RBBP8: variants seen among roughly 807,000 people sequenced by gnomAD.
RBBP8 encodes RB binding protein 8, endonuclease.
RBBP8 carries 88 observed loss-of-function variants against 108.3 expected under a neutral mutation model. The observed-to-expected ratio is 0.81, with a 90% CI of 0.68 to 0.97. RBBP8 has a LOEUF of 0.97. Among genes scored for constraint, RBBP8 ranks in the 50% least tolerant of loss-of-function variants. RBBP8 has a pLI of 0.00. For missense variants in RBBP8, 1,023 were observed against 1,049.0 expected, an observed-to-expected ratio of 0.98 and a Z score of 0.34; for synonymous variants, 332 against 348.2, an observed-to-expected ratio of 0.95 and a Z score of 0.52.
chr18:22,916,628 G>A (rs192170749), intron 2 of RBBP8, among the ~76,000 whole-genome samples: 12 of 152,004 alleles, frequency 7.9e-5, no homozygotes, highest in Admixed American at 7.2e-4. Context: ...TACCATTATT[G>A]CCCCAAACAT....
Position 22,993,371 on chromosome 18 carries a change from A to G in RBBP8, c.1544A>G (p.Lys515Arg), listed in dbSNP as rs2144704420. Residue 515 changes from lysine to arginine, a missense_variant, in exon 11 of 19, where the codon AAA (lysine) becomes AGA (arginine). Lys to Arg is a conservative substitution (Grantham distance 26). Coordinates refer to ENST00000327155, the MANE Select transcript of RBBP8 (RefSeq NM_002894.3). ...CAAGGAAGTGAGACTTCTAAAAACA[A>G]ATTTAGGCAAGTGACTCTTTATGAG... ...KSQGSETSKN[K>R]FRQVTLYEAL... The G allele has an allele frequency of 3.7e-6, 6 of 1,614,226 alleles. No homozygotes were observed. The highest frequency in any genetic ancestry group is 5.1e-6 in the Non-Finnish European group (6 of 1,180,032).
At chr18:22,940,141 G>T (rs944630852) in intron 2 of RBBP8, among the ~76,000 whole-genome samples, 2 of 151,904 alleles carry the variant, frequency 1.3e-5, no homozygotes, top group African/African-American at 2.4e-5. Flanking sequence ...TTGTCATCTT[G>T]CCTTGACTTT....
chr18:22,940,900 G>A (rs904097627), intron 2 of RBBP8, among the ~76,000 whole-genome samples: 2 of 151,914 alleles, frequency 1.3e-5, no homozygotes, highest in Admixed American at 6.6e-5. Context: ...GACCTCATTG[G>A]CCTCCAAAAG....
chr18:22,938,789 A>G (rs562033344), intron 2 of RBBP8, among the ~76,000 whole-genome samples: 1 of 152,226 alleles, frequency 6.6e-6, no homozygotes, highest in Non-Finnish European at 1.5e-5. Flanking sequence ...GTCATTTGAC[A>G]AACCCGTAGC....
intron 3 of RBBP8, among the ~76,000 whole-genome samples, chr18:22,924,532 C>T (rs375358341): frequency 1.3e-3 from 198 of 152,240 alleles, no homozygotes; most frequent in African/African-American, 4.4e-3. Flanking sequence ...AGAGATCTTC[C>T]CGCTTCAGCC....
chr18:23,019,758 A>G (rs961300098), intron 17 of RBBP8, among the ~76,000 whole-genome samples: 3 of 132,002 alleles, frequency 2.3e-5, no homozygotes, highest in African/African-American at 5.3e-5. Context: ...GCAACATTTT[A>G]TAATTTTTTT....
chr18:23,009,775 C>CT (rs1256707989), intron 16 of RBBP8, among the ~76,000 whole-genome samples: 1 of 152,006 alleles, frequency 6.6e-6, no homozygotes, highest in Non-Finnish European at 1.5e-5. Context: ...CTCTACTTTG[C>CT]TTTTTTAGAC....
intron 16 of RBBP8, 168 bp from the exon 17 acceptor site, chr18:23,016,660 C>A: frequency 4.9e-6 from 3 of 617,456 alleles, no homozygotes; most frequent in Admixed American, 2.9e-5. Flanking sequence ...AAAAAAATAC[C>A]CATAAAAATA....
In RBBP8 at chr18:22,949,672, G is replaced by A. The variant is rs1450051670; in HGVS notation, c.207G>A (p.Gln69=). 1 of 1,611,334 alleles carries A rather than the reference G, an allele frequency of 6.2e-7. No homozygotes were observed. The highest frequency in any genetic ancestry group is 1.3e-5 in the African/African-American group (1 of 74,960). The part of the protein sequence containing the change: ...FFTKNQQLRE[Q]QKVLHETIKV... ...CCAAAAATCAACAGCTGAGGGAACA[G>A]CAGAAAGTCCTTCATGAAACCATTA... The change falls in exon 4 of 19, where the codon CAG becomes CAA. Residue 69 remains glutamine, a synonymous_variant. Coordinates refer to ENST00000327155, the MANE Select transcript of RBBP8 (RefSeq NM_002894.3).
upstream of RBBP8, among the ~76,000 whole-genome samples, chr18:22,930,309 GTC>G (rs1909976203): frequency 6.6e-6 from 1 of 152,184 alleles, no homozygotes; most frequent in East Asian, 1.9e-4. Flanking sequence ...GAGGTGACTA[GTC>G]TCAACTTCTG....
chr18:22,999,188 TAATG>T (rs1416476033), intron 14 of RBBP8, among the ~76,000 whole-genome samples: 1 of 152,242 alleles, frequency 6.6e-6, no homozygotes, highest in Non-Finnish European at 1.5e-5. Flanking sequence ...TATTGCTACA[TAATG>T]AATGAATCAC....
At position 23,001,628 on chromosome 18, in the gene RBBP8, A is replaced by G. The variant is rs778403130; in HGVS notation, c.2186A>G (p.Asp729Gly). 107 of 1,614,140 alleles carry G rather than the reference A, an allele frequency of 6.6e-5. No individual in the cohort carries two copies. In the South Asian group the frequency reaches 8.1e-4, roughly 12 times the overall value. ...KMNDSLEDMF[D>G]RTTHEEYESC... ...AATGATAGCTTGGAAGATATGTTTGATCGGACAACACATGAAGAGTATGAA... is the reference window on the plus strand; with the variant it reads ...AATGATAGCTTGGAAGATATGTTTGGTCGGACAACACATGAAGAGTATGAA... Residue 729 changes from aspartate (D) to glycine (G), a missense_variant, in exon 15 of 19, where the codon GAT (aspartate) becomes GGT (glycine). Coordinates refer to ENST00000327155, the MANE Select transcript of RBBP8 (RefSeq NM_002894.3).
chr18:23,014,657 G>A (rs745999250), intron 16 of RBBP8, among the ~76,000 whole-genome samples: 1 of 152,028 alleles, frequency 6.6e-6, no homozygotes, highest in Non-Finnish European at 1.5e-5. Context: ...AAATAATAAT[G>A]AATAAAATAA....
At position 22,993,793 on chromosome 18, in the gene RBBP8, C is replaced by T. The variant is rs1416422420; in HGVS notation, c.1885C>T (p.Leu629Phe). 6.2e-7 allele frequency: 1 copy of T among 1,613,788 alleles called. No individual in the cohort carries two copies. Among genetic ancestry groups the T allele is most frequent in the South Asian group, 1.1e-5 (1 of 91,062 alleles). Reference protein sequence around the residue: ...DHGGCELASVLQLNPCRTGKI... With the variant: ...DHGGCELASVFQLNPCRTGKI... ...TGGAGGATGTGAACTTGCATCAGTT[C>T]TTCAGTTAAATCCATGTAGAACTGG... The change falls in exon 12 of 19, where the codon CTT becomes TTT. Residue 629 changes from leucine (L) to phenylalanine (F), a missense_variant. By Grantham distance (22) the Leu-to-Phe change is conservative. Transcript: ENST00000327155.
At chr18:22,937,393 C>T (rs1287079957) in intron 2 of RBBP8, among the ~76,000 whole-genome samples, 1 of 152,054 alleles carries the variant, frequency 6.6e-6, no homozygotes, top group East Asian at 1.9e-4. Context: ...TTTATGGCTT[C>T]ATTGTATTCC....
intron 12 of RBBP8, among the ~76,000 whole-genome samples, chr18:22,994,768 G>A (rs1158366421): frequency 6.6e-6 from 1 of 151,850 alleles, no homozygotes; most frequent in African/African-American, 2.4e-5. Flanking sequence ...CTGTCACCCA[G>A]ACTGGAGTGC....
rs557974792 is a variant in RBBP8 at position 22,971,884 on chromosome 18, A to T, written c.361+2966A>T. On this transcript the variant is annotated intron_variant, in intron 5 of 18. Transcript: ENST00000327155. The stretch of plus-strand genomic sequence containing the variant: ...CTGGTCTTGAACTCCTGACCTCGTG[A>T]TCCGCTCACCTCGGCCTCCCAAAGT... Among the ~76,000 whole-genome samples the T allele has an allele frequency of 4.7e-5, 7 of 150,226 alleles. No homozygotes were observed. The East Asian group carries it at 1.4e-3, about 30-fold the overall frequency.
In RBBP8 at chr18:22,915,134, T is replaced by C. The variant is rs115033432; in HGVS notation, c.-305-286T>C. The stretch of plus-strand genomic sequence containing the variant: ...CACATGTCTTCTAGGGCATTTAATT[T>C]AACATAACAGCTGACATATGATTTT... On this transcript the variant is annotated intron_variant, in intron 1 of 4. Coordinates refer to the RBBP8 transcript ENST00000577588. Among the ~76,000 whole-genome samples the C allele has an allele frequency of 6.7e-3, 1,022 of 152,210 alleles. 10 individuals carry two copies. Among genetic ancestry groups the C allele is most frequent in the African/African-American group, 0.024 (990 of 41,542 alleles).
At chr18:22,918,014 A>T (rs1329966324) in intron 3 of RBBP8, among the ~76,000 whole-genome samples, 1 of 150,248 alleles carries the variant, frequency 6.7e-6, no homozygotes, top group East Asian at 1.9e-4. Flanking sequence ...AAAAAAAAAA[A>T]CATATAATGT....
Sources: allele counts gnomAD v4.1 joint callset (sites outside exome capture counted in the v4.1 genomes callset), GRCh38; gene constraint gnomAD v4.1.1; transcripts MANE v1.5; gene names NCBI Gene and HGNC (gene_info 2026-07-23, HGNC 2026-07-21).